Variants in PCDH19 observed in about 807,000 individuals in gnomAD.
The protein encoded by PCDH19 is protocadherin-19.
In PCDH19, 6 loss-of-function variants were observed where a neutral mutation model predicts 46.2. The observed-to-expected ratio is 0.13, with a 90% confidence interval of 0.07 to 0.26. PCDH19 has a LOEUF of 0.26. Among genes scored for constraint, PCDH19 ranks in the 10% least tolerant of loss-of-function variants. The pLI is 1.00. For missense variants in PCDH19, 740 were observed against 972.3 expected, an observed-to-expected ratio of 0.76 and a Z score of 3.18; for synonymous variants, 481 against 415.7, an observed-to-expected ratio of 1.16 and a Z score of -1.91.
chrX:100,369,193 G>C (rs1927151762), intron 3 of PCDH19, among the ~76,000 whole-genome samples: 2 of 110,983 alleles, frequency 1.8e-5, no homozygotes, highest in African/African-American at 6.6e-5. Flanking sequence ...TTCCTAAGAG[G>C]AAATCAAGCC....
At position 100,406,779 on chromosome X, in the gene PCDH19, T is replaced by C. The variant is rs1928364730; in HGVS notation, c.1819A>G (p.Met607Val). Reference sequence around the variant, plus strand: ...AAGAAGCCGCGGTCGCCCTCGGTCATGTCGTAGGTGACTCGGCCATTTTCG... The same window carrying C: ...AAGAAGCCGCGGTCGCCCTCGGTCACGTCGTAGGTGACTCGGCCATTTTCG... ...EGENGRVTYDMTEGDRGFFEI... is the reference protein window; with the variant it reads ...EGENGRVTYDVTEGDRGFFEI... Residue 607 changes from methionine (M) to valine (V), a missense_variant, in exon 1 of 6, where the codon ATG becomes GTG. By Grantham distance (21) the Met-to-Val change is conservative. Transcript: ENST00000373034. 1.7e-5 allele frequency: 20 copies of C among 1,211,822 alleles called. No homozygotes were observed. The highest frequency in any genetic ancestry group is 1.9e-5 in the Non-Finnish European group (17 of 895,539).
chrX:100,402,397 G>T, intron 3 of PCDH19, 127 bp downstream of exon 3: 2 of 583,832 alleles, frequency 3.4e-6, no homozygotes, highest in Non-Finnish European at 5.7e-6. Flanking sequence ...TATGAAAATG[G>T]GCATAAGCAG....
Position 100,291,706 on chromosome X carries a change from A to T in PCDH19, c.*4571T>A, listed in dbSNP as rs1924427279. The T allele has an allele frequency of 8.9e-6, 1 of 112,849 alleles. No individual in the cohort carries two copies. The allele number at this position is 112,849 out of a possible 1,213,427, so 9.3% of individuals were successfully genotyped here. A position where few individuals can be genotyped will look rare whatever the true frequency, so the allele number is the denominator to read the frequency against. ...TAAATTTTTGAAGCAGAGAAAACAC[A>T]TTTAAAGGGGGAAACAGAGAACCAC... On this transcript the variant is annotated 3_prime_UTR_variant, in exon 6 of 6. Coordinates refer to ENST00000373034, the MANE Select transcript of PCDH19 (RefSeq NM_001184880.2).
chrX:100,337,406 A>G (rs540091390), intron 5 of PCDH19, among the ~76,000 whole-genome samples: 1 of 112,629 alleles, frequency 8.9e-6, no homozygotes, highest in African/African-American at 3.2e-5. Flanking sequence ...ATACACCAGT[A>G]GAAAGCACAG....
intron 5 of PCDH19, among the ~76,000 whole-genome samples, chrX:100,317,755 AAG>A (rs1240415887): frequency 9.0e-6 from 1 of 110,720 alleles, no homozygotes; most frequent in East Asian, 2.8e-4. Context: ...ACCAACACCA[AAG>A]AGAGCCTCCT....
intron 3 of PCDH19, among the ~76,000 whole-genome samples, chrX:100,377,530 G>C (rs1349837316): frequency 8.9e-6 from 1 of 112,087 alleles, no homozygotes; most frequent in Non-Finnish European, 1.9e-5. Context: ...GCAGTATCTA[G>C]CCCAGACTGA....
intron 5 of PCDH19, among the ~76,000 whole-genome samples, chrX:100,341,122 A>T (rs2147484328): frequency 8.9e-6 from 1 of 112,372 alleles, no homozygotes; most frequent in South Asian, 3.7e-4. Context: ...GAACTCTGCT[A>T]ATGTTTTTAT....
At chrX:100,359,419 C>T (rs929349330) in intron 3 of PCDH19, among the ~76,000 whole-genome samples, 56 of 112,309 alleles carry the variant, frequency 5.0e-4, no homozygotes, top group African/African-American at 1.7e-3. Context: ...CAGAAATGAG[C>T]CACTTTGTTC....
intron 3 of PCDH19, among the ~76,000 whole-genome samples, chrX:100,369,148 T>C (rs1336569595): frequency 9.0e-6 from 1 of 111,597 alleles, no homozygotes; most frequent in Non-Finnish European, 1.9e-5. Context: ...CCAGTAAATT[T>C]AAAAATTTCC....
chrX:100,315,928 A>C (rs755860247), intron 5 of PCDH19, among the ~76,000 whole-genome samples: 1 of 111,591 alleles, frequency 9.0e-6, no homozygotes, highest in African/African-American at 3.3e-5. Context: ...TCACCCCCCG[A>C]CTACAGTTGA....
Position 100,407,980 on chromosome X carries a change from G to A in PCDH19, c.618C>T (p.Phe206=). 3 of 1,208,759 alleles carry A rather than the reference G, an allele frequency of 2.5e-6. No individual in the cohort carries two copies. The highest frequency in any genetic ancestry group is 2.2e-6 in the Non-Finnish European group (2 of 895,539). ...CGCCACCGTCTAGCGCAGTGATTCG[G>A]AAGCTGTAGTGCGACTGCGTCTCGC... ...LDRETQSHYS[F]RITALDGGDP... The change falls in exon 1 of 6, where the codon TTC becomes TTT. Residue 206 remains phenylalanine, a synonymous_variant. Transcript: ENST00000373034.
chrX:100,365,706 G>GCACACACAAACGTGTGCGTGCA (rs1927049541), intron 3 of PCDH19, among the ~76,000 whole-genome samples: 1 of 110,956 alleles, frequency 9.0e-6, no homozygotes, highest in South Asian at 3.8e-4. Context: ...TTGCACACGC[G>GCACACACAAACGTGTGCGTGCA]CACACACAAA....
chrX:100,296,313 G>A lies in PCDH19; in HGVS notation c.3411C>T (p.Ser1137=). 8.3e-7 allele frequency: 1 copy of A among 1,210,865 alleles called. No homozygotes were observed. Among genetic ancestry groups the A allele is most frequent in the Non-Finnish European group, 1.1e-6 (1 of 894,718 alleles). ...PILKEGRNKE[S]PGVKRLKDIV... is the part of the protein sequence containing the mutation. The stretch of plus-strand genomic sequence containing the variant: ...TATCCTTCAGACGCTTCACACCAGG[G>A]GACTCTTTGTTGCGACCTTCCTTCA... The change falls in exon 6 of 6, where the codon TCC becomes TCT. Residue 1137 remains serine, a synonymous_variant. Coordinates refer to ENST00000373034, the MANE Select transcript of PCDH19 (RefSeq NM_001184880.2).
At chrX:100,327,975 T>C (rs1057410222) in intron 5 of PCDH19, among the ~76,000 whole-genome samples, 2 of 111,835 alleles carry the variant, frequency 1.8e-5, no homozygotes, top group African/African-American at 3.3e-5. Flanking sequence ...TGCAAGAATA[T>C]TGGGTTCTGT....
chrX:100,362,437 T>C (rs779647084), intron 3 of PCDH19, among the ~76,000 whole-genome samples: 2 of 110,829 alleles, frequency 1.8e-5, no homozygotes, highest in East Asian at 5.6e-4. Context: ...AACAATGATG[T>C]ACCTTTGTGT....
At position 100,409,722 on chromosome X, in the gene PCDH19, C is replaced by T; in HGVS notation, c.-1125G>A. 1 of 265,182 alleles carries T rather than the reference C, an allele frequency of 3.8e-6. No homozygotes were observed. 21.9% of individuals were successfully genotyped at this position (265,182 alleles called of 1,213,427 possible). On this transcript the variant is annotated 5_prime_UTR_variant, in exon 1 of 6. Transcript: ENST00000373034. ...GTCGCTCCAAGGTCCGCCGCCGCCG[C>T]CGCCGCCGCCGCCGCCGCGGGAGGA...
intron 3 of PCDH19, among the ~76,000 whole-genome samples, chrX:100,392,209 TG>T (rs1927884917): frequency 8.9e-6 from 1 of 112,303 alleles, no homozygotes; most frequent in Non-Finnish European, 1.9e-5. Flanking sequence ...GCATAGTTTT[TG>T]CAAAGGCAGG....
At chrX:100,339,625 T>C (rs1489746695) in intron 5 of PCDH19, among the ~76,000 whole-genome samples, 4 of 112,400 alleles carry the variant, frequency 3.6e-5, no homozygotes, top group Non-Finnish European at 5.6e-5. Context: ...GAACTGGTGA[T>C]GGAATCTGTG....
At chrX:100,325,671 A>G (rs1375462629) in intron 5 of PCDH19, among the ~76,000 whole-genome samples, 4 of 112,325 alleles carry the variant, frequency 3.6e-5, no homozygotes, top group African/African-American at 1.3e-4. Context: ...CCCGGCCAGG[A>G]CTATAATGAT....
Sources: gnomAD v4.1 joint callset for allele counts (sites outside exome capture counted in the v4.1 genomes callset) on GRCh38, gnomAD v4.1.1 for gene constraint, MANE v1.5 for transcripts, NCBI Gene and HGNC (gene_info 2026-07-23, HGNC 2026-07-21) for gene names.